The following SRPK2 variants were observed in gnomAD, a reference collection of about 807,000 sequenced individuals.
The protein encoded by SRPK2 is SFRS protein kinase 2.
Under a neutral mutation model 90.8 loss-of-function variants are expected in SRPK2, and 21 were observed. The ratio of observed to expected loss-of-function variants is 0.23; its 90% CI spans 0.16 to 0.33. The LOEUF (loss-of-function observed/expected upper bound fraction) is 0.33. SRPK2 is among the 10% of genes least tolerant of loss of function. SRPK2 has a pLI of 1.00. For synonymous variants in SRPK2, 288 were observed against 311.1 expected, an observed-to-expected ratio of 0.93 and a Z score of 0.78; for missense variants, 620 against 869.0, an observed-to-expected ratio of 0.71 and a Z score of 3.60.
At chr7:105,314,333 AAAAAT>A (rs751269295) in intron 2 of SRPK2, among the ~76,000 whole-genome samples, 3 of 151,978 alleles carry the variant, frequency 2.0e-5, no homozygotes, top group Admixed American at 6.5e-5. Context: ...CCCTGTCTTG[AAAAAT>A]AAACTGGCAA....
chr7:105,221,734 C>T (rs1184959478), intron 2 of SRPK2, among the ~76,000 whole-genome samples: 1 of 152,152 alleles, frequency 6.6e-6, no homozygotes, highest in East Asian at 1.9e-4. Context: ...CCACTCAACC[C>T]ATCTTCCTTT....
chr7:105,179,359 T>C (rs1404120093), intron 3 of SRPK2, among the ~76,000 whole-genome samples: 1 of 152,194 alleles, frequency 6.6e-6, no homozygotes, highest in East Asian at 1.9e-4. Context: ...CTGCCAGTAC[T>C]CTAACCCACT....
chr7:105,327,443 A>T (rs1213706759), intron 2 of SRPK2, among the ~76,000 whole-genome samples: 1 of 152,194 alleles, frequency 6.6e-6, no homozygotes, highest in East Asian at 1.9e-4. Flanking sequence ...TTTACAGAAG[A>T]AGTTTGCTAA....
At chr7:105,176,777 A>G (rs988786448) in intron 3 of SRPK2, among the ~76,000 whole-genome samples, 30 of 151,530 alleles carry the variant, frequency 2.0e-4, no homozygotes, top group Middle Eastern at 3.4e-3. Flanking sequence ...GTGTGTGTAT[A>G]TATATATATA....
chr7:105,258,729 C>T (rs1168349658), intron 2 of SRPK2, among the ~76,000 whole-genome samples: 5 of 152,142 alleles, frequency 3.3e-5, no homozygotes, highest in Non-Finnish European at 5.9e-5. Context: ...GCTGGTTCAA[C>T]ATACACAAAT....
intron 2 of SRPK2, among the ~76,000 whole-genome samples, chr7:105,342,302 C>A (rs1052929812): frequency 1.3e-5 from 2 of 150,854 alleles, no homozygotes; most frequent in African/African-American, 4.9e-5. Flanking sequence ...CCAGCCTGGG[C>A]GACAAGAGCA....
chr7:105,254,204 A>C (rs1802898457), intron 2 of SRPK2, among the ~76,000 whole-genome samples: 2 of 152,224 alleles, frequency 1.3e-5, no homozygotes, highest in Non-Finnish European at 2.9e-5. Flanking sequence ...AGAAAGTACC[A>C]CAATAATACT....
chr7:105,171,939 A>T (rs1253078822), intron 3 of SRPK2, among the ~76,000 whole-genome samples: 1 of 152,118 alleles, frequency 6.6e-6, no homozygotes, highest in African/African-American at 2.4e-5. Flanking sequence ...GCTGTTACCC[A>T]GGCTAGAGTG....
intron 2 of SRPK2, among the ~76,000 whole-genome samples, chr7:105,359,022 G>A (rs1285124969): frequency 2.0e-5 from 3 of 151,764 alleles, no homozygotes; most frequent in African/African-American, 4.8e-5. Context: ...AAGCAAGAAT[G>A]ACACCTCAAG....
chr7:105,208,761 C>T (rs1312022942), intron 2 of SRPK2, among the ~76,000 whole-genome samples: 3 of 152,090 alleles, frequency 2.0e-5, no homozygotes, highest in Admixed American at 2.0e-4. Flanking sequence ...ATAAAAAACA[C>T]TAAAATATAT....
At chr7:105,148,358 C>G (rs979217758) in intron 7 of SRPK2, among the ~76,000 whole-genome samples, 1 of 152,116 alleles carries the variant, frequency 6.6e-6, no homozygotes, top group Non-Finnish European at 1.5e-5. Context: ...AGTGATGAAC[C>G]AAGATATTCA....
chr7:105,212,057 C>A (rs78436600), intron 2 of SRPK2, among the ~76,000 whole-genome samples: 5 of 152,318 alleles, frequency 3.3e-5, no homozygotes, highest in Non-Finnish European at 7.3e-5. Flanking sequence ...CCATTTTACA[C>A]ATTAATTCCA....
At chr7:105,322,528 G>C (rs1040339983) in intron 2 of SRPK2, among the ~76,000 whole-genome samples, 1 of 152,110 alleles carries the variant, frequency 6.6e-6, no homozygotes, top group African/African-American at 2.4e-5. Flanking sequence ...ATCTAGAATA[G>C]GTAAATCAAC....
chr7:105,132,109 AC>A (rs1475118015), intron 13 of SRPK2, among the ~76,000 whole-genome samples: 1 of 152,216 alleles, frequency 6.6e-6, no homozygotes, highest in Non-Finnish European at 1.5e-5. Flanking sequence ...AACAGGCCTG[AC>A]AGATAGAAGA....
intron 2 of SRPK2, among the ~76,000 whole-genome samples, chr7:105,303,660 C>A (rs1053336175): frequency 4.0e-5 from 6 of 151,846 alleles, no homozygotes; most frequent in Non-Finnish European, 5.9e-5. Context: ...TGAAAAAAAA[C>A]CCAGAAAACT....
intron 7 of SRPK2, among the ~76,000 whole-genome samples, chr7:105,153,789 G>T (rs1222416621): frequency 6.6e-6 from 1 of 152,172 alleles, no homozygotes; most frequent in African/African-American, 2.4e-5. Context: ...TGGGCAGCCA[G>T]ATGGGCTGGC....
intron 2 of SRPK2, among the ~76,000 whole-genome samples, chr7:105,217,059 C>T (rs1316057824): frequency 3.3e-5 from 5 of 152,182 alleles, no homozygotes; most frequent in Non-Finnish European, 7.4e-5. Flanking sequence ...AATAAATACA[C>T]CTTGATACAT....
chr7:105,251,090 A>T (rs977579582), intron 2 of SRPK2, among the ~76,000 whole-genome samples: 3 of 152,200 alleles, frequency 2.0e-5, no homozygotes, highest in African/African-American at 7.2e-5. Context: ...CAATTTCTTC[A>T]TTTGTGTACT....
Position 105,388,883 on chromosome 7 carries a change from A to C in SRPK2, c.-77T>G. The C allele has an allele frequency of 4.8e-6, 6 of 1,243,716 alleles. No individual in the cohort carries two copies. Among genetic ancestry groups the C allele is most frequent in the Non-Finnish European group, 5.0e-6 (5 of 998,114 alleles). The allele number at this position is 1,243,716 out of a possible 1,614,324, so 77.0% of individuals were successfully genotyped here. A position where few individuals can be genotyped will look rare whatever the true frequency, so the allele number is the denominator to read the frequency against. On this transcript the variant is annotated 5_prime_UTR_variant, in exon 1 of 16. Coordinates refer to ENST00000393651, the MANE Select transcript of SRPK2 (RefSeq NM_182692.3). Reference sequence around the variant, plus strand: ...CGAGACGAGCTGGGCTGCAGCCTCCACTCGCTCCGCCGGCCGGGAGGAGAC... The same window carrying C: ...CGAGACGAGCTGGGCTGCAGCCTCCCCTCGCTCCGCCGGCCGGGAGGAGAC...
Sources: gnomAD v4.1 joint callset for allele counts (sites outside exome capture counted in the v4.1 genomes callset) on GRCh38, gnomAD v4.1.1 for gene constraint, MANE v1.5 for transcripts, NCBI Gene and HGNC (gene_info 2026-07-23, HGNC 2026-07-21) for gene names.